The following SCN8A variants were observed in gnomAD, a reference collection of about 807,000 sequenced individuals.
SCN8A encodes the protein sodium voltage-gated channel alpha subunit 8.
Under a neutral mutation model 184.1 loss-of-function variants are expected in SCN8A, and 30 were observed. The observed-to-expected ratio is 0.16, with a 90% CI of 0.12 to 0.22. The LOEUF is 0.22. SCN8A is among the 10% of genes least tolerant of loss of function. The probability of loss-of-function intolerance (pLI) is 1.00; values close to 1 mark genes in which losing one functional copy is unlikely to be tolerated. For missense variants in SCN8A, 1,057 were observed against 2,498.9 expected, an observed-to-expected ratio of 0.42 and a Z score of 12.30; for synonymous variants, 852 against 907.0, an observed-to-expected ratio of 0.94 and a Z score of 1.09.
At chr12:51,672,359 A>G (rs899337712) in intron 2 of SCN8A, among the ~76,000 whole-genome samples, 3 of 152,210 alleles carry the variant, frequency 2.0e-5, no homozygotes, top group Non-Finnish European at 4.4e-5. Flanking sequence ...TTAAGTTCTT[A>G]ACTCACTAAA....
At chr12:51,629,582 CAAAAAAAA>C (rs71092711) in intron 1 of SCN8A, among the ~76,000 whole-genome samples, 83,243 of 129,898 alleles carry the variant, frequency 0.64, 27,193 homozygotes, top group Non-Finnish European at 0.76. Context: ...ATCAGTTTTG[CAAAAAAAA>C]AAAAAAAAAA....
intron 1 of SCN8A, among the ~76,000 whole-genome samples, chr12:51,640,832 A>C (rs930515773): frequency 3.3e-5 from 5 of 152,346 alleles, no homozygotes; most frequent in African/African-American, 1.2e-4. Context: ...GGATTAGTGA[A>C]ATCATTTGTT....
chr12:51,595,837 T>C (rs1192456598), intron 1 of SCN8A, among the ~76,000 whole-genome samples: 1 of 152,230 alleles, frequency 6.6e-6, no homozygotes, highest in Non-Finnish European at 1.5e-5. Context: ...TGCTTTATCT[T>C]CAGTCTGGCA....
intron 9 of SCN8A, among the ~76,000 whole-genome samples, chr12:51,705,159 A>C (rs1159932803): frequency 6.6e-6 from 1 of 152,106 alleles, no homozygotes; most frequent in Non-Finnish European, 1.5e-5. Flanking sequence ...GTGTATGGGG[A>C]ATATTTAGAA....
chr12:51,598,958 A>G (rs952473599), intron 1 of SCN8A, among the ~76,000 whole-genome samples: 1 of 152,156 alleles, frequency 6.6e-6, no homozygotes, highest in African/African-American at 2.4e-5. Flanking sequence ...TTTATATTCT[A>G]ATTTCTTGGC....
chr12:51,594,668 T>C (rs974542044), intron 1 of SCN8A, among the ~76,000 whole-genome samples: 6 of 152,172 alleles, frequency 3.9e-5, no homozygotes, highest in East Asian at 1.9e-4. Flanking sequence ...TACATACTTA[T>C]TGCAGAAAAA....
In SCN8A at chr12:51,786,928, T is replaced by C. The variant is rs80303624; in HGVS notation, c.4227+102T>C. On this transcript the variant is annotated intron_variant, in intron 22 of 26. Coordinates refer to ENST00000627620, the MANE Select transcript of SCN8A (RefSeq NM_001330260.2). ...CTCAACCCTACTTCTAGAATCAGGA[T>C]TATTCTCAATAAGTCCAAGAAAACA... 6.8e-4 allele frequency: 772 copies of C among 1,129,610 alleles called. 4 individuals are homozygous for C. In the African/African-American group the frequency reaches 0.011, roughly 15 times the overall value. The allele number at this position is 1,129,610 out of a possible 1,614,324, so 70.0% of individuals were successfully genotyped here.
intron 1 of SCN8A, among the ~76,000 whole-genome samples, chr12:51,592,743 G>T (rs916947424): frequency 6.6e-6 from 1 of 152,070 alleles, no homozygotes; most frequent in African/African-American, 2.4e-5. Context: ...TAAAGGGGGA[G>T]AGTGCTTTTT....
rs560001045 is a variant in SCN8A at position 51,807,819 on chromosome 12, A to G, written c.*390A>G. On this transcript the variant is annotated 3_prime_UTR_variant, in exon 27 of 27. Coordinates refer to ENST00000627620, the MANE Select transcript of SCN8A (RefSeq NM_001330260.2). This position sits in a 1 kb window ranked among gnomAD's most constrained non-coding sequence, Gnocchi z 4.5. ...TCAGAAGCAGAAAGCATCACTTTAA[A>G]AGTTCGTTTGTTCATGCAAACTATA... 2.0e-4 allele frequency: 49 copies of G among 241,330 alleles called. No individual in the cohort carries two copies. The highest frequency in any genetic ancestry group is 3.5e-4 in the Non-Finnish European group (44 of 124,224). The allele number at this position is 241,330 out of a possible 1,614,324, so 14.9% of individuals were successfully genotyped here. A position where few individuals can be genotyped will look rare whatever the true frequency, so the allele number is the denominator to read the frequency against.
intron 1 of SCN8A, among the ~76,000 whole-genome samples, chr12:51,660,257 A>C (rs1454718890): frequency 6.6e-6 from 1 of 152,242 alleles, no homozygotes; most frequent in Non-Finnish European, 1.5e-5. Context: ...GAGAGGACAC[A>C]GTCTTGGAGA....
intron 6 of SCN8A, among the ~76,000 whole-genome samples, chr12:51,691,724 T>C (rs1941512305): frequency 6.6e-6 from 1 of 152,086 alleles, no homozygotes; most frequent in Non-Finnish European, 1.5e-5. Context: ...TGTCAGTAAA[T>C]GGTATATTTG....
intron 7 of SCN8A, 66 bp from the exon 8 acceptor site, chr12:51,701,078 T>C (rs1184099551): frequency 1.8e-6 from 2 of 1,090,620 alleles, no homozygotes; most frequent in East Asian, 2.4e-5. Context: ...TTAGGAACAG[T>C]GTAACCTTAT....
chr12:51,775,780 G>A (rs780413959), intron 20 of SCN8A, among the ~76,000 whole-genome samples: 2 of 152,184 alleles, frequency 1.3e-5, no homozygotes, highest in East Asian at 1.9e-4. Flanking sequence ...CTGGCGTCAG[G>A]TGGGACACCT....
chr12:51,592,104 C>T (rs1939237581), intron 1 of SCN8A, among the ~76,000 whole-genome samples: 1 of 132,566 alleles, frequency 7.5e-6, no homozygotes, highest in Non-Finnish European at 1.6e-5. Flanking sequence ...TGTTCCTCTC[C>T]TCTCCCTCCC....
chr12:51,778,703 G>C (rs1032829520), intron 20 of SCN8A, among the ~76,000 whole-genome samples: 1 of 152,116 alleles, frequency 6.6e-6, no homozygotes, highest in African/African-American at 2.4e-5. Context: ...GCAATTCACA[G>C]ACACAGGATC....
At chr12:51,706,309 C>T (rs1282260514) in intron 10 of SCN8A, 113 bp from the exon 11 acceptor site, 3 of 1,053,880 alleles carry the variant, frequency 2.8e-6, no homozygotes, top group African/African-American at 1.6e-5. Context: ...TTTCCTGCCT[C>T]CTTTTTTCCT....
chr12:51,714,738 C>T (rs991300339), intron 11 of SCN8A, among the ~76,000 whole-genome samples: 2 of 152,170 alleles, frequency 1.3e-5, no homozygotes, highest in Non-Finnish European at 1.5e-5. Flanking sequence ...AGACAATTTA[C>T]GTGTATCCCC....
At chr12:51,679,557 G>A (rs1172964943) in intron 2 of SCN8A, among the ~76,000 whole-genome samples, 2 of 152,134 alleles carry the variant, frequency 1.3e-5, no homozygotes, top group African/African-American at 4.8e-5. Flanking sequence ...GACACTGTAT[G>A]GCCTACAAAG....
intron 2 of SCN8A, among the ~76,000 whole-genome samples, chr12:51,676,963 G>T (rs1271121060): frequency 6.6e-6 from 1 of 152,082 alleles, no homozygotes; most frequent in African/African-American, 2.4e-5. Context: ...AATATTTCTC[G>T]AAGAAGCTTT....
Sources: gnomAD v4.1 joint callset for allele counts (sites outside exome capture counted in the v4.1 genomes callset) on GRCh38, gnomAD v4.1.1 for gene constraint, Gnocchi (gnomAD v3.1) non-coding constraint, MANE v1.5 for transcripts, NCBI Gene and HGNC (gene_info 2026-07-23, HGNC 2026-07-21) for gene names.